The following SCLT1 variants were observed in gnomAD, a reference collection of about 807,000 sequenced individuals.
The protein encoded by SCLT1 is sodium channel-associated protein 1.
A neutral mutation model predicts 112.8 loss-of-function variants in SCLT1; 78 were observed. The observed-to-expected ratio is 0.69, with a 90% CI of 0.58 to 0.83. The LOEUF is 0.83. SCLT1 is among the 40% of genes least tolerant of loss of function. The probability of loss-of-function intolerance (pLI) is 0.00; values close to 1 mark genes in which losing one functional copy is unlikely to be tolerated. For missense variants in SCLT1, 747 were observed against 770.4 expected, an observed-to-expected ratio of 0.97 and a Z score of 0.36; for synonymous variants, 257 against 254.7, an observed-to-expected ratio of 1.01 and a Z score of -0.09.
At chr4:128,988,119 CT>C in intron 9 of SCLT1, among the ~76,000 whole-genome samples, 3 of 152,144 alleles carry the variant, frequency 2.0e-5, no homozygotes, top group Admixed American at 2.0e-4. Flanking sequence ...AAGAAATCAT[CT>C]GAAGATATAA....
At chr4:129,065,247 A>G (rs1750375697) in intron 2 of SCLT1, among the ~76,000 whole-genome samples, 1 of 151,866 alleles carries the variant, frequency 6.6e-6, no homozygotes. Flanking sequence ...ATTTCATATC[A>G]CTAGGCCTAT....
At chr4:128,984,272 C>G (rs2126057074) in intron 9 of SCLT1, among the ~76,000 whole-genome samples, 1 of 152,280 alleles carries the variant, frequency 6.6e-6, no homozygotes, top group Non-Finnish European at 1.5e-5. Flanking sequence ...TTTTCCCCTG[C>G]AATCAACTCT....
In SCLT1 at chr4:128,901,463, T is replaced by A. The variant is rs191734819; in HGVS notation, c.1830-10326A>T. On this transcript the variant is annotated intron_variant, in intron 18 of 20. Coordinates refer to ENST00000281142, the MANE Select transcript of SCLT1 (RefSeq NM_144643.4). ...GCATGTTCTCACTCTTGGGTGGGAA[T>A]TGAACAATGAGAACACAGGGACACA... is the stretch of plus-strand genomic sequence containing the variant. Among the ~76,000 whole-genome samples, 838 of 150,310 alleles carry A rather than the reference T, an allele frequency of 5.6e-3. 14 individuals carry two copies. Among genetic ancestry groups the A allele is most frequent in the African/African-American group, 0.019 (787 of 40,872 alleles).
At chr4:128,878,562 C>T (rs1448629118) in intron 3 of SCLT1, among the ~76,000 whole-genome samples, 1 of 152,098 alleles carries the variant, frequency 6.6e-6, no homozygotes, top group Non-Finnish European at 1.5e-5. Flanking sequence ...GTATCTTTGC[C>T]TCAACTAGTC....
intron 18 of SCLT1, among the ~76,000 whole-genome samples, chr4:128,892,210 G>T (rs561161876): frequency 1.3e-5 from 2 of 152,252 alleles, no homozygotes; most frequent in East Asian, 3.9e-4. Context: ...GTCACTTCAA[G>T]AGTTTCAGGT....
At chr4:128,966,326 T>G (rs917480084) in intron 10 of SCLT1, among the ~76,000 whole-genome samples, 1 of 152,084 alleles carries the variant, frequency 6.6e-6, no homozygotes, top group African/African-American at 2.4e-5. Context: ...TATTTTTTAG[T>G]GGTTGCTGTA....
At chr4:129,048,795 T>C (rs1157328723) in intron 2 of SCLT1, among the ~76,000 whole-genome samples, 11 of 151,646 alleles carry the variant, frequency 7.3e-5, no homozygotes, top group Admixed American at 4.6e-4. Flanking sequence ...AAAAAACAAA[T>C]AACCCCATCA....
At chr4:129,027,907 G>C (rs890755875) in intron 5 of SCLT1, among the ~76,000 whole-genome samples, 2 of 152,086 alleles carry the variant, frequency 1.3e-5, no homozygotes, top group Non-Finnish European at 2.9e-5. Flanking sequence ...GCCAAATCAT[G>C]AGTGAACTCC....
intron 9 of SCLT1, among the ~76,000 whole-genome samples, chr4:128,987,646 C>A (rs1742214560): frequency 6.6e-6 from 1 of 151,686 alleles, no homozygotes; most frequent in African/African-American, 2.4e-5. Flanking sequence ...AATACACACT[C>A]AGAGGTGAAA....
chr4:129,066,676 C>G (rs1750517239), intron 2 of SCLT1, among the ~76,000 whole-genome samples: 1 of 151,884 alleles, frequency 6.6e-6, no homozygotes, highest in Admixed American at 6.6e-5. Context: ...TATAGTAATA[C>G]AATGGAATGT....
intron 4 of SCLT1, chr4:128,874,573 C>T (rs960338698): frequency 1.3e-5 from 2 of 152,470 alleles, no homozygotes; most frequent in Admixed American, 6.6e-5. Flanking sequence ...ATTCCTGCTT[C>T]GAAATGCAAA....
chr4:129,059,325 T>C (rs1349895917), intron 2 of SCLT1, among the ~76,000 whole-genome samples: 8 of 152,114 alleles, frequency 5.3e-5, no homozygotes, highest in Admixed American at 5.2e-4. Flanking sequence ...ACTTTGTTAT[T>C]TGTTTTCTGG....
intron 11 of SCLT1, among the ~76,000 whole-genome samples, chr4:128,961,116 C>T (rs916261886): frequency 2.0e-5 from 3 of 151,028 alleles, no homozygotes; most frequent in Non-Finnish European, 4.4e-5. Context: ...TCAACTTTTG[C>T]GATTTCAGTT....
intron 5 of SCLT1, among the ~76,000 whole-genome samples, chr4:129,005,588 T>C (rs1031979142): frequency 5.3e-5 from 8 of 152,272 alleles, no homozygotes; most frequent in East Asian, 1.9e-4. Context: ...CTAGTTCAAC[T>C]ATTGTGGAAG....
rs578126343 is a variant in SCLT1 at position 128,994,631 on chromosome 4, A to C, written c.616-2394T>G. Among the ~76,000 whole-genome samples, 5 of 152,266 alleles carry C rather than the reference A, an allele frequency of 3.3e-5. No individual in the cohort carries two copies. In the South Asian group the frequency reaches 1.0e-3, roughly 32 times the overall value. ...GATGCACCGTTTTGCAATCCCACCA[A>C]AAATGTTCAAGGTTTCCAATTTTTC... On this transcript the variant is annotated intron_variant, in intron 8 of 20. Coordinates refer to ENST00000281142, the MANE Select transcript of SCLT1 (RefSeq NM_144643.4).
intron 13 of SCLT1, among the ~76,000 whole-genome samples, chr4:128,953,810 AC>A (rs1738983668): frequency 1.5e-5 from 2 of 136,464 alleles, no homozygotes; most frequent in African/African-American, 2.6e-5. Flanking sequence ...AAAAAAAAAA[AC>A]AAAAAAACAA....
chr4:128,993,248 G>T (rs1474255951), intron 8 of SCLT1, among the ~76,000 whole-genome samples: 1 of 151,904 alleles, frequency 6.6e-6, no homozygotes, highest in Non-Finnish European at 1.5e-5. Context: ...TGCCTTTACA[G>T]TGCACATTAT....
rs147425794 is a variant in SCLT1 at position 129,065,676 on chromosome 4, C to T, written c.102+16630G>A. Reference sequence around the variant, plus strand: ...AACTCTAAATTACAATAAATAAATGCGTTGTAATTTATTTATATAATGTAA... The same window carrying T: ...AACTCTAAATTACAATAAATAAATGTGTTGTAATTTATTTATATAATGTAA... On this transcript the variant is annotated intron_variant, in intron 2 of 20. Transcript: ENST00000281142. Among the ~76,000 whole-genome samples, 1,013 of 151,852 alleles carry T rather than the reference C, an allele frequency of 6.7e-3. 7 individuals carry two copies. Among genetic ancestry groups the T allele is most frequent in the African/African-American group, 0.018 (731 of 41,440 alleles).
intron 9 of SCLT1, among the ~76,000 whole-genome samples, chr4:128,977,970 G>C (rs569751492): frequency 6.6e-6 from 1 of 152,238 alleles, no homozygotes; most frequent in Admixed American, 6.5e-5. Flanking sequence ...GGGTAGAGGT[G>C]ATATGGATGA....
Sources: allele counts gnomAD v4.1 joint callset (sites outside exome capture counted in the v4.1 genomes callset), GRCh38; gene constraint gnomAD v4.1.1; transcripts MANE v1.5; gene names NCBI Gene and HGNC (gene_info 2026-07-23, HGNC 2026-07-21).